Variants in LRRC28 observed in about 807,000 individuals in gnomAD.
LRRC28 encodes leucine rich repeat containing 28.
LRRC28 carries 39 observed loss-of-function variants against 45.7 expected under a neutral mutation model. The observed-to-expected ratio is 0.85, with a 90% CI of 0.66 to 1.12. The LOEUF is 1.12. LRRC28 is among the 50% of genes most tolerant of loss of function. The pLI, the probability that LRRC28 is intolerant of heterozygous loss-of-function variation, is 0.00. For synonymous variants in LRRC28, 206 were observed against 178.8 expected (o/e 1.15, Z -1.22); for missense variants, 435 against 438.5 (o/e 0.99, Z 0.07).
intron 9 of LRRC28, among the ~76,000 whole-genome samples, chr15:99,371,625 C>CA (rs757302911): frequency 4.5e-4 from 69 of 152,164 alleles, no homozygotes; most frequent in Admixed American, 1.2e-3. Flanking sequence ...CAAGTAATAT[C>CA]AGTCACACCA....
chr15:99,315,168 A>G (rs1168309329), intron 5 of LRRC28, among the ~76,000 whole-genome samples: 1 of 152,216 alleles, frequency 6.6e-6, no homozygotes, highest in Non-Finnish European at 1.5e-5. Flanking sequence ...ACCAGAGGAC[A>G]CAGTATAATT....
intron 5 of LRRC28, among the ~76,000 whole-genome samples, chr15:99,310,229 C>T (rs900083456): frequency 2.6e-5 from 4 of 152,096 alleles, no homozygotes; most frequent in African/African-American, 9.7e-5. Context: ...CATTTTTCTG[C>T]CTTTTTCTAA....
At chr15:99,253,142 A>G (rs1051100569) in intron 1 of LRRC28, among the ~76,000 whole-genome samples, 21 of 150,458 alleles carry the variant, frequency 1.4e-4, no homozygotes, top group Non-Finnish European at 1.6e-4. Context: ...TTTTTTTAAG[A>G]CTGAGTCTCG....
chr15:99,379,422 C>A (rs1443010562), intron 9 of LRRC28, among the ~76,000 whole-genome samples: 4 of 151,830 alleles, frequency 2.6e-5, no homozygotes, highest in Non-Finnish European at 5.9e-5. Flanking sequence ...CTGTTTGATT[C>A]TTCTCCCTTT....
intron 5 of LRRC28, among the ~76,000 whole-genome samples, chr15:99,300,853 C>T (rs567211928): frequency 2.0e-5 from 3 of 152,116 alleles, no homozygotes; most frequent in Non-Finnish European, 4.4e-5. Flanking sequence ...AAAAAGTGTG[C>T]ACAGTTATGC....
At chr15:99,322,307 T>C (rs776324156) in intron 5 of LRRC28, among the ~76,000 whole-genome samples, 5 of 152,144 alleles carry the variant, frequency 3.3e-5, no homozygotes, top group Non-Finnish European at 7.3e-5. Context: ...TATCACTGGC[T>C]TCTGTGACAT....
rs577715423 is a variant in LRRC28, at chr15:99,341,595, C to T, written c.592+7466C>T. On this transcript the variant is annotated intron_variant, in intron 6 of 9. Transcript: ENST00000301981. ...TTTAAATGAACAAATTTGTATTTTT[C>T]TCTAAGTTTTGGAGTAGGATTTAGG... 3.3e-5 allele frequency among the ~76,000 whole-genome samples: 5 copies of T among 152,212 alleles called. No homozygotes were observed. The South Asian group carries it at 1.0e-3, about 32-fold the overall frequency.
intron 2 of LRRC28, among the ~76,000 whole-genome samples, chr15:99,270,141 GCAATGACAT>G (rs2081436409): frequency 6.6e-6 from 1 of 152,212 alleles, no homozygotes. Context: ...CTGCTCAGAA[GCAATGACAT>G]CAACTTATTG....
At chr15:99,310,394 T>A (rs565177828) in intron 5 of LRRC28, among the ~76,000 whole-genome samples, 1 of 152,334 alleles carries the variant, frequency 6.6e-6, no homozygotes, top group South Asian at 2.1e-4. Flanking sequence ...ATTAATAGCT[T>A]CCTGAACCAT....
intron 6 of LRRC28, among the ~76,000 whole-genome samples, chr15:99,334,402 A>AGAGTGTGT (rs145542066): frequency 6.9e-6 from 1 of 144,604 alleles, no homozygotes; most frequent in African/African-American, 2.6e-5. Context: ...GGAATTAAAG[A>AGAGTGTGT]GTGTGTGTGT....
At chr15:99,356,693 T>A (rs1457283101) in intron 7 of LRRC28, among the ~76,000 whole-genome samples, 2 of 152,216 alleles carry the variant, frequency 1.3e-5, no homozygotes, top group Non-Finnish European at 2.9e-5. Flanking sequence ...CAAATTTACA[T>A]TTTCAAGAAG....
At chr15:99,357,728 C>G (rs1465486897) in intron 7 of LRRC28, among the ~76,000 whole-genome samples, 1 of 151,648 alleles carries the variant, frequency 6.6e-6, no homozygotes, top group Non-Finnish European at 1.5e-5. Context: ...TAAAGTTTAC[C>G]TTAAAATATC....
At chr15:99,300,629 C>G (rs1169619580) in intron 5 of LRRC28, among the ~76,000 whole-genome samples, 1 of 152,084 alleles carries the variant, frequency 6.6e-6, no homozygotes, top group African/African-American at 2.4e-5. Flanking sequence ...GAGTTTGAGA[C>G]CAGCCTGGCC....
chr15:99,280,015 G>C (rs2081738742), intron 3 of LRRC28, among the ~76,000 whole-genome samples: 1 of 152,026 alleles, frequency 6.6e-6, no homozygotes. Context: ...ATAGATATGT[G>C]GTTTTTATGA....
chr15:99,279,891 C>T (rs7163435), intron 3 of LRRC28, among the ~76,000 whole-genome samples: 4 of 152,026 alleles, frequency 2.6e-5, no homozygotes, highest in Non-Finnish European at 4.4e-5. Flanking sequence ...AAAAAACTGC[C>T]GGTTTACCAG....
At chr15:99,290,191 G>A (rs979033097) in intron 5 of LRRC28, among the ~76,000 whole-genome samples, 44 of 151,336 alleles carry the variant, frequency 2.9e-4, no homozygotes, top group Admixed American at 1.4e-3. Context: ...CCTGGGAGGC[G>A]GAGGTTGCAG....
chr15:99,364,879 T>C (rs1240261411), intron 9 of LRRC28, among the ~76,000 whole-genome samples: 1 of 152,252 alleles, frequency 6.6e-6, no homozygotes, highest in Non-Finnish European at 1.5e-5. Flanking sequence ...ATTTTTGCTG[T>C]GTTTTTAGCA....
At chr15:99,297,000 C>G (rs1012205133) in intron 5 of LRRC28, among the ~76,000 whole-genome samples, 32 of 151,892 alleles carry the variant, frequency 2.1e-4, no homozygotes, top group African/African-American at 7.5e-4. Context: ...TAGATGACCA[C>G]TGAATAAATT....
At chr15:99,338,197 G>A (rs559570881) in intron 6 of LRRC28, 1 of 152,174 alleles carries the variant, frequency 6.6e-6, no homozygotes, top group African/African-American at 2.4e-5. Context: ...TCTGTTTCTG[G>A]GGGTATTTTT....
Sources: allele counts gnomAD v4.1 joint callset (sites outside exome capture counted in the v4.1 genomes callset), GRCh38; gene constraint gnomAD v4.1.1; transcripts MANE v1.5; gene names NCBI Gene and HGNC (gene_info 2026-07-23, HGNC 2026-07-21).